The following ATP5PB variants were observed in gnomAD, a reference collection of about 807,000 sequenced individuals.
ATP5PB encodes the protein ATP synthase peripheral stalk-membrane subunit b.
Under a neutral mutation model 34.5 loss-of-function variants are expected in ATP5PB, and 21 were observed. The ratio of observed to expected loss-of-function variants is 0.61; its 90% CI spans 0.43 to 0.88. The LOEUF (loss-of-function observed/expected upper bound fraction) is 0.88, where lower values mean the gene tolerates loss of function less well. Ranked by LOEUF, ATP5PB falls within the 40% of genes least tolerant of loss-of-function variation. The pLI is 0.00. For missense variants in ATP5PB, 293 were observed against 317.4 expected, an observed-to-expected ratio of 0.92 and a Z score of 0.58; for synonymous variants, 108 against 114.1, an observed-to-expected ratio of 0.95 and a Z score of 0.34.
chr1:111,460,789 G>T, intron 6 of ATP5PB, 128 bp from the exon 7 acceptor site: 1 of 680,912 alleles, frequency 1.5e-6, no homozygotes. Flanking sequence ...TAGCTGTATA[G>T]TGTTAAGCCA....
At chr1:111,460,854 T>C (rs1653600399) in intron 6 of ATP5PB, 63 bp from the exon 7 acceptor site, 2 of 1,471,552 alleles carry the variant, frequency 1.4e-6, no homozygotes, top group Admixed American at 1.7e-5. Context: ...ATAATGGTGT[T>C]TATACTCTAT....
Position 111,449,488 on chromosome 1 carries a change from T to A in ATP5PB, c.-54T>A, listed in dbSNP as rs762707644. 1 of 1,614,194 alleles carries A rather than the reference T, an allele frequency of 6.2e-7. No individual in the cohort carries two copies. Among genetic ancestry groups the A allele is most frequent in the South Asian group, 1.1e-5 (1 of 91,082 alleles). On this transcript the variant is annotated 5_prime_UTR_variant, in exon 1 of 7. Coordinates refer to ENST00000369722, the MANE Select transcript of ATP5PB (RefSeq NM_001688.5). ...CCATCTTGGTCCTGCCCTGACAGAT[T>A]CTCCTATCGGGGTCACAGGGACGCT...
rs774970442 is a variant in ATP5PB, at chr1:111,461,005, C to A, written c.*11C>A. 1.2e-6 allele frequency: 2 copies of A among 1,609,800 alleles called. No homozygotes were observed. Among genetic ancestry groups the A allele is most frequent in the African/African-American group, 1.3e-5 (1 of 74,784 alleles). ...CAGCCAGTTATGTAAATGTATCTAT[C>A]CCAATTGAGACAGCTAGAAACAGTT... On this transcript the variant is annotated 3_prime_UTR_variant, in exon 7 of 7. Coordinates refer to ENST00000369722, the MANE Select transcript of ATP5PB (RefSeq NM_001688.5).
intron 5 of ATP5PB, 114 bp downstream of exon 5, chr1:111,456,869 G>C: frequency 7.6e-7 from 1 of 1,309,766 alleles, no homozygotes; most frequent in Non-Finnish European, 1.0e-6. Context: ...ATTTAGAAAA[G>C]AGAAGATTTG....
At chr1:111,460,834 G>A (rs1395106437) in intron 6 of ATP5PB, 83 bp from the exon 7 acceptor site, 48 of 1,200,206 alleles carry the variant, frequency 4.0e-5, no homozygotes, top group Non-Finnish European at 5.5e-5. Context: ...GGTAGGAGGT[G>A]TCTTTTAGAA....
Position 111,462,524 on chromosome 1 carries a change from A to G in ATP5PB, c.*1530A>G, listed in dbSNP as rs1020346586. The G allele has an allele frequency of 6.6e-6, 1 of 152,222 alleles. No individual in the cohort carries two copies. Among genetic ancestry groups the G allele is most frequent in the Non-Finnish European group, 1.5e-5 (1 of 68,036 alleles). 9.4% of individuals were successfully genotyped at this position (152,222 alleles called of 1,614,324 possible). On this transcript the variant is annotated 3_prime_UTR_variant, in exon 7 of 7. Coordinates refer to ENST00000369722, the MANE Select transcript of ATP5PB (RefSeq NM_001688.5). ...AGGTTTATCTGCATTTGATTCTCCC[A>G]TACTTGTACAAGGATTTATTTGTAT...
intron 5 of ATP5PB, among the ~76,000 whole-genome samples, chr1:111,458,413 C>G (rs1891756): frequency 0.5 from 76,428 of 151,988 alleles, 20,885 homozygotes; most frequent in East Asian, 0.74. Flanking sequence ...TTTGAGCAGA[C>G]ACCTGAAAGA....
chr1:111,450,040 G>T (rs1653270554), intron 2 of ATP5PB, among the ~76,000 whole-genome samples, 167 bp downstream of exon 2: 1 of 152,036 alleles, frequency 6.6e-6, no homozygotes, highest in Non-Finnish European at 1.5e-5. Flanking sequence ...TGCCAGGAAC[G>T]CTCTCATGTC....
Position 111,461,331 on chromosome 1 carries a change from CAG to C in ATP5PB, c.*338_*339del, listed in dbSNP as rs1405363786. 5.0e-6 allele frequency: 1 copy of C among 201,494 alleles called. No homozygotes were observed. The highest frequency in any genetic ancestry group is 2.3e-5 in the African/African-American group (1 of 42,684). The allele number at this position is 201,494 out of a possible 1,614,324, so 12.5% of individuals were successfully genotyped here. ...GCAATAAAGTGACAATTGAATGAAACAGGGTTTTTCAAGTTGTATAATTCTCT... is the reference window on the plus strand; with the variant it reads ...GCAATAAAGTGACAATTGAATGAAACGGTTTTTCAAGTTGTATAATTCTCT... On this transcript the variant is annotated 3_prime_UTR_variant, in exon 7 of 7. Coordinates refer to ENST00000369722, the MANE Select transcript of ATP5PB (RefSeq NM_001688.5).
chr1:111,449,498 G>A lies in ATP5PB; in HGVS notation c.-44G>A. The A allele has an allele frequency of 6.2e-7, 1 of 1,614,154 alleles. No homozygotes were observed. Among genetic ancestry groups the A allele is most frequent in the Non-Finnish European group, 8.5e-7 (1 of 1,180,028 alleles). ...CCTGCCCTGACAGATTCTCCTATCG[G>A]GGTCACAGGGACGCTAAGATTGCTA... On this transcript the variant is annotated 5_prime_UTR_variant, in exon 1 of 7. Coordinates refer to ENST00000369722, the MANE Select transcript of ATP5PB (RefSeq NM_001688.5).
chr1:111,449,705 G>A (rs1653252407), intron 1 of ATP5PB, 124 bp downstream of exon 1: 1 of 1,556,826 alleles, frequency 6.4e-7, no homozygotes, highest in Admixed American at 1.7e-5. Flanking sequence ...AGTGCAGTTC[G>A]GAAGGGAGCG....
intron 5 of ATP5PB, among the ~76,000 whole-genome samples, chr1:111,457,800 A>G (rs1323369881): frequency 6.6e-6 from 1 of 152,198 alleles, no homozygotes; most frequent in Non-Finnish European, 1.5e-5. Context: ...TCTTAAGCAC[A>G]TGGATATTTG....
chr1:111,450,660 A>G (rs1301383736), intron 2 of ATP5PB, among the ~76,000 whole-genome samples: 7 of 152,162 alleles, frequency 4.6e-5, no homozygotes, highest in Non-Finnish European at 1.0e-4. Context: ...AGACATGTCC[A>G]TTTTCCTAGA....
chr1:111,456,078 T>C lies in ATP5PB; in HGVS notation c.224-8T>C. ...ATCCCTTCATAAAATAACTCTTTCT[T>C]CTTTTAGGACCCTATGTACTCGGAA... is the stretch of plus-strand genomic sequence containing the variant. On this transcript the variant is annotated splice_region_variant and splice_polypyrimidine_tract_variant and intron_variant, in intron 3 of 6. Coordinates refer to ENST00000369722, the MANE Select transcript of ATP5PB (RefSeq NM_001688.5). 1 of 1,555,066 alleles carries C rather than the reference T, an allele frequency of 6.4e-7. No individual in the cohort carries two copies. Among genetic ancestry groups the C allele is most frequent in the Non-Finnish European group, 8.7e-7 (1 of 1,151,032 alleles).
intron 2 of ATP5PB, among the ~76,000 whole-genome samples, chr1:111,452,230 A>T (rs866367958): frequency 1.2e-4 from 19 of 152,176 alleles, no homozygotes; most frequent in Non-Finnish European, 1.8e-4. Context: ...TTTTAGAAAC[A>T]TTGGCAGTAA....
At position 111,460,038 on chromosome 1, in the gene ATP5PB, G is replaced by A. The variant is rs564888424; in HGVS notation, c.693+402G>A. 6.6e-5 allele frequency among the ~76,000 whole-genome samples: 10 copies of A among 152,134 alleles called. 2 individuals are homozygous for A. The highest frequency in any genetic ancestry group is 2.1e-4 in the South Asian group (1 of 4,812). On this transcript the variant is annotated intron_variant, in intron 6 of 6. Coordinates refer to ENST00000369722, the MANE Select transcript of ATP5PB (RefSeq NM_001688.5). ...AAAGTAGCTGGGTGCGGTGACAAAC[G>A]CCTGTAGTTCAGCTACTCAGGAGGC...
rs2101760904 is a variant in ATP5PB at position 111,459,628 on chromosome 1, A to G, written c.685A>G (p.Thr229Ala). The change falls in exon 6 of 7, where the codon ACA becomes GCA. Residue 229 changes from threonine to alanine, a missense_variant. By Grantham distance (58) the Thr-to-Ala change is moderately conservative. Transcript: ENST00000369722. ...VEKHVVQSIS[T>A]QQEKETIAKC... ...GAAGCACGTGGTGCAAAGCATCTCC[A>G]CACAGCAGGTACACAACATTTTTGT... 1.2e-6 allele frequency: 2 copies of G among 1,613,802 alleles called. No individual in the cohort carries two copies. Among genetic ancestry groups the G allele is most frequent in the East Asian group, 4.5e-5 (2 of 44,882 alleles).
intron 2 of ATP5PB, among the ~76,000 whole-genome samples, chr1:111,450,288 TATG>T (rs1262489411): frequency 1.3e-5 from 2 of 152,188 alleles, no homozygotes; most frequent in African/African-American, 2.4e-5. Context: ...TTTGCTGCCA[TATG>T]ATAACAATCA....
In ATP5PB at chr1:111,461,185, G is replaced by C. The variant is rs1401904690; in HGVS notation, c.*191G>C. 1.7e-5 allele frequency: 9 copies of C among 530,076 alleles called. No homozygotes were observed. The highest frequency in any genetic ancestry group is 3.1e-5 in the Non-Finnish European group (9 of 292,700). 32.8% of individuals were successfully genotyped at this position (530,076 alleles called of 1,614,324 possible). A position where few individuals can be genotyped will look rare whatever the true frequency, so the allele number is the denominator to read the frequency against. ...CAGTCAGATGTTTCTCATCCTTCTT[G>C]CTCTGCCTTTGAGTTGTTCCGTGAT... On this transcript the variant is annotated 3_prime_UTR_variant, in exon 7 of 7. Coordinates refer to ENST00000369722, the MANE Select transcript of ATP5PB (RefSeq NM_001688.5).
Sources: allele counts gnomAD v4.1 joint callset (sites outside exome capture counted in the v4.1 genomes callset), GRCh38; gene constraint gnomAD v4.1.1; transcripts MANE v1.5; gene names NCBI Gene and HGNC (gene_info 2026-07-23, HGNC 2026-07-21).